The following SANBR variants were observed in gnomAD, a reference collection of about 807,000 sequenced individuals.
SANBR encodes the protein SANT and BTB domain regulator of CSR.
A neutral mutation model predicts 101.8 loss-of-function variants in SANBR; 77 were observed. The ratio of observed to expected loss-of-function variants is 0.76; its 90% confidence interval spans 0.63 to 0.91. SANBR has a LOEUF of 0.91. SANBR is among the 40% of genes least tolerant of loss of function. The pLI, the probability that SANBR is intolerant of heterozygous loss-of-function variation, is 0.00. For synonymous variants in SANBR, 279 were observed against 274.7 expected (o/e 1.02, Z -0.15); for missense variants, 875 against 853.0 (o/e 1.03, Z -0.32).
At chr2:61,107,940 A>G (rs1683654098) in intron 14 of SANBR, among the ~76,000 whole-genome samples, 1 of 152,166 alleles carries the variant, frequency 6.6e-6, no homozygotes. Context: ...ATGTCAAACA[A>G]CAAACTAGAT....
At chr2:61,135,315 A>G (rs1684811283) in intron 21 of SANBR, among the ~76,000 whole-genome samples, 1 of 152,236 alleles carries the variant, frequency 6.6e-6, no homozygotes, top group South Asian at 2.1e-4. Context: ...ATTCATTTTT[A>G]GCCATGATTA....
chr2:61,134,327 T>C, intron 21 of SANBR: 1 of 1,500,510 alleles, frequency 6.7e-7, no homozygotes, highest in Non-Finnish European at 9.0e-7. Context: ...TGAAAGACTT[T>C]TAGAAATAAC....
At chr2:61,084,109 A>G (rs1055798612) in intron 8 of SANBR, among the ~76,000 whole-genome samples, 9 of 151,984 alleles carry the variant, frequency 5.9e-5, no homozygotes, top group Non-Finnish European at 1.3e-4. Flanking sequence ...GCACGCCACC[A>G]TGCGCAGCTG....
intron 6 of SANBR, among the ~76,000 whole-genome samples, chr2:61,078,060 A>G (rs1003472205): frequency 2.0e-5 from 3 of 152,232 alleles, no homozygotes; most frequent in African/African-American, 4.8e-5. Context: ...TGGTGGTCAT[A>G]TTAATGAATG....
intron 20 of SANBR, among the ~76,000 whole-genome samples, chr2:61,131,485 C>G (rs12473277): frequency 0.1 from 15,487 of 150,984 alleles, 1,066 homozygotes; most frequent in East Asian, 0.31. Flanking sequence ...ACAAAAGAAA[C>G]AGAAAACATT....
At chr2:61,121,988 GT>G in intron 21 of SANBR, 137 bp from the exon 22 acceptor site, 8 of 1,176,620 alleles carry the variant, frequency 6.8e-6, no homozygotes, top group Non-Finnish European at 9.4e-6. Context: ...CCTGTTAAGA[GT>G]TTTAGAAAAT....
chr2:61,137,378 G>A (rs529346690), intron 21 of SANBR: 3 of 152,126 alleles, frequency 2.0e-5, no homozygotes, highest in African/African-American at 7.3e-5. Context: ...GTAAATTAAG[G>A]TATAGAGTAC....
chr2:61,097,960 C>G (rs1683108233), intron 12 of SANBR, 108 bp downstream of exon 12: 1 of 854,276 alleles, frequency 1.2e-6, no homozygotes, highest in East Asian at 2.7e-5. Flanking sequence ...AGAAGCCGTT[C>G]CTCTTTATAA....
chr2:61,104,663 G>T (rs2104933354), intron 13 of SANBR, among the ~76,000 whole-genome samples: 1 of 152,204 alleles, frequency 6.6e-6, no homozygotes, highest in East Asian at 1.9e-4. Flanking sequence ...TGATGGCTGA[G>T]TTCATCTCTC....
At chr2:61,105,549 G>C (rs1318378759) in intron 13 of SANBR, among the ~76,000 whole-genome samples, 1 of 151,210 alleles carries the variant, frequency 6.6e-6, no homozygotes, top group Non-Finnish European at 1.5e-5. Context: ...TGTATTTTTA[G>C]TAGAGACAGG....
At chr2:61,101,607 C>T (rs1683287837) in intron 12 of SANBR, among the ~76,000 whole-genome samples, 1 of 151,986 alleles carries the variant, frequency 6.6e-6, no homozygotes, top group African/African-American at 2.4e-5. Flanking sequence ...GTGGCGGGCG[C>T]CTATAGTTCC....
At chr2:61,129,942 G>A (rs1335914078) in intron 20 of SANBR, among the ~76,000 whole-genome samples, 1 of 151,980 alleles carries the variant, frequency 6.6e-6, no homozygotes, top group African/African-American at 2.4e-5. Context: ...TACTGGGTTT[G>A]TAACATATGT....
intron 8 of SANBR, among the ~76,000 whole-genome samples, chr2:61,085,015 G>C (rs377351677): frequency 8.5e-5 from 13 of 152,128 alleles, no homozygotes; most frequent in African/African-American, 3.1e-4. Flanking sequence ...GGGAGAGGAA[G>C]GAATAGGGTA....
At position 61,068,997 on chromosome 2, in the gene SANBR, G is replaced by C. The variant is rs989684214; in HGVS notation, c.-10+12G>C. 3.3e-5 allele frequency: 5 copies of C among 152,290 alleles called. No individual in the cohort carries two copies. The highest frequency in any genetic ancestry group is 1.3e-4 in the Admixed American group (2 of 15,278). The allele number at this position is 152,290 out of a possible 1,614,324, so 9.4% of individuals were successfully genotyped here. Reference sequence around the variant, plus strand: ...TGGCCTTCTACAAGGTACATCTTTGGTTGGTAGGAAGCTGTGATTTTAGTG... The same window carrying C: ...TGGCCTTCTACAAGGTACATCTTTGCTTGGTAGGAAGCTGTGATTTTAGTG... On this transcript the variant is annotated intron_variant, in intron 2 of 21. Coordinates refer to ENST00000402291, the MANE Select transcript of SANBR (RefSeq NM_001129993.3).
chr2:61,135,250 A>T (rs574664190), intron 21 of SANBR, among the ~76,000 whole-genome samples: 1 of 152,358 alleles, frequency 6.6e-6, no homozygotes, highest in East Asian at 1.9e-4. Context: ...AATGTAGGCA[A>T]CTGTCAGAAT....
intron 6 of SANBR, among the ~76,000 whole-genome samples, chr2:61,077,569 A>G (rs530858485): frequency 6.6e-6 from 1 of 152,252 alleles, no homozygotes; most frequent in Admixed American, 6.5e-5. Context: ...CTAGCAGTAC[A>G]TAGTTACATA....
chr2:61,121,087 A>G, intron 20 of SANBR, 98 bp from the exon 21 acceptor site: 19 of 893,600 alleles, frequency 2.1e-5, no homozygotes, highest in Non-Finnish European at 3.0e-5. Context: ...AAAAAATCAA[A>G]ATAAAATTAC....
chr2:61,070,812 A>C (rs938805808), intron 3 of SANBR, among the ~76,000 whole-genome samples: 18 of 150,722 alleles, frequency 1.2e-4, no homozygotes, highest in Non-Finnish European at 2.1e-4. Flanking sequence ...TCTCTCTATC[A>C]TCCCAGGCTG....
In SANBR at chr2:61,077,031, T is replaced by C; in HGVS notation, c.543T>C (p.Ser181=). 1 of 1,614,016 alleles carries C rather than the reference T, an allele frequency of 6.2e-7. No individual in the cohort carries two copies. Among genetic ancestry groups the C allele is most frequent in the Non-Finnish European group, 8.5e-7 (1 of 1,179,876 alleles). ...SEMKYFAEYL[S]MDAQRWEEVD... The stretch of plus-strand genomic sequence containing the variant: ...TGAAGTACTTTGCTGAATATTTATC[T>C]ATGGATGCCCAGCGCTGGGAAGAGG... Residue 181 remains serine (S), a synonymous_variant, in exon 6 of 22, where the codon TCT becomes TCC. Transcript: ENST00000402291.
Sources: gnomAD v4.1 joint callset for allele counts (sites outside exome capture counted in the v4.1 genomes callset) on GRCh38, gnomAD v4.1.1 for gene constraint, MANE v1.5 for transcripts, NCBI Gene and HGNC (gene_info 2026-07-23, HGNC 2026-07-21) for gene names.